DGKI: variants seen among roughly 807,000 people sequenced by gnomAD.
DGKI encodes DAG kinase iota.
In DGKI, 55 loss-of-function variants were observed where a neutral mutation model predicts 147.5. The observed-to-expected ratio is 0.37, with a 90% CI of 0.30 to 0.47. The LOEUF is 0.47. Among genes scored for constraint, DGKI ranks in the 20% least tolerant of loss-of-function variants. DGKI has a pLI of 1.00. For synonymous variants in DGKI, 469 were observed against 477.1 expected, an observed-to-expected ratio of 0.98 and a Z score of 0.22; for missense variants, 1,007 against 1,323.8, an observed-to-expected ratio of 0.76 and a Z score of 3.71.
intron 2 of DGKI, among the ~76,000 whole-genome samples, chr7:137,680,830 G>C (rs1295927910): frequency 6.6e-6 from 1 of 152,028 alleles, no homozygotes; most frequent in African/African-American, 2.4e-5. Context: ...ACATTTGCTG[G>C]GAAAAAATAC....
chr7:137,704,297 A>G (rs180967566), intron 1 of DGKI, among the ~76,000 whole-genome samples: 2 of 152,330 alleles, frequency 1.3e-5, no homozygotes, highest in East Asian at 1.9e-4. Context: ...CAAATAGAGA[A>G]TATCAATAAA....
intron 1 of DGKI, among the ~76,000 whole-genome samples, chr7:137,818,338 T>G (rs1797798348): frequency 6.6e-6 from 1 of 152,180 alleles, no homozygotes; most frequent in East Asian, 1.9e-4. Context: ...CTCAGATGGC[T>G]CAAGTGGACC....
intron 3 of DGKI, among the ~76,000 whole-genome samples, chr7:137,656,911 T>C (rs192218894): frequency 5.3e-4 from 81 of 152,350 alleles, no homozygotes; most frequent in Non-Finnish European, 7.2e-4. Context: ...TAAAATATTT[T>C]CTACATTATC....
intron 21 of DGKI, among the ~76,000 whole-genome samples, chr7:137,500,090 C>A (rs1816117969): frequency 6.6e-6 from 1 of 152,082 alleles, no homozygotes; most frequent in Non-Finnish European, 1.5e-5. Context: ...AACGAGGAAG[C>A]TTTGACAAAT....
At chr7:137,553,016 C>T (rs191517938) in intron 19 of DGKI, among the ~76,000 whole-genome samples, 12 of 152,282 alleles carry the variant, frequency 7.9e-5, no homozygotes, top group Non-Finnish European at 1.6e-4. Flanking sequence ...TAACCACCAC[C>T]ATAGTAGGAA....
chr7:137,492,223 G>A (rs1215597185), intron 21 of DGKI, among the ~76,000 whole-genome samples: 4 of 152,150 alleles, frequency 2.6e-5, no homozygotes, highest in Non-Finnish European at 4.4e-5. Context: ...AGGCAAAAGT[G>A]ATCAGAAAAT....
intron 3 of DGKI, among the ~76,000 whole-genome samples, chr7:137,677,569 C>T (rs1334467177): frequency 2.6e-5 from 4 of 152,168 alleles, no homozygotes; most frequent in Admixed American, 2.6e-4. Context: ...TTTAGGCAGC[C>T]TGGTTAAAAT....
At chr7:137,820,351 C>T (rs778754358) in intron 1 of DGKI, among the ~76,000 whole-genome samples, 34 of 152,216 alleles carry the variant, frequency 2.2e-4, no homozygotes, top group Non-Finnish European at 4.7e-4. Context: ...CCACTGCCCT[C>T]CATTTTCTCT....
intron 30 of DGKI, among the ~76,000 whole-genome samples, chr7:137,401,391 C>G (rs991017924): frequency 6.6e-6 from 1 of 151,464 alleles, no homozygotes; most frequent in Non-Finnish European, 1.5e-5. Flanking sequence ...ATTAGCTGGG[C>G]GTGGTGGTAC....
intron 12 of DGKI, among the ~76,000 whole-genome samples, chr7:137,592,205 C>T (rs972570622): frequency 2.0e-5 from 3 of 152,114 alleles, no homozygotes; most frequent in Admixed American, 1.3e-4. Context: ...CCACGGCTTT[C>T]GTATTTTCCC....
chr7:137,569,998 C>T (rs1242871213), intron 19 of DGKI, among the ~76,000 whole-genome samples: 1 of 151,958 alleles, frequency 6.6e-6, no homozygotes, highest in East Asian at 1.9e-4. Context: ...AGATTCTTGC[C>T]ATAAGCACAA....
At chr7:137,678,172 G>A (rs1823101435) in intron 3 of DGKI, among the ~76,000 whole-genome samples, 1 of 151,896 alleles carries the variant, frequency 6.6e-6, no homozygotes, top group Admixed American at 6.6e-5. Flanking sequence ...CCCCACTGTG[G>A]CCACTTCCCT....
intron 3 of DGKI, among the ~76,000 whole-genome samples, chr7:137,658,824 T>C (rs915792573): frequency 6.6e-6 from 1 of 152,214 alleles, no homozygotes; most frequent in African/African-American, 2.4e-5. Context: ...CATTAAGATA[T>C]GCTATCTCTC....
intron 21 of DGKI, among the ~76,000 whole-genome samples, chr7:137,507,909 G>A (rs779622667): frequency 1.3e-5 from 2 of 152,166 alleles, no homozygotes; most frequent in African/African-American, 4.8e-5. Flanking sequence ...AAATAAGGTG[G>A]TTTGACAAAA....
chr7:137,429,443 A>C (rs916915577), intron 28 of DGKI, among the ~76,000 whole-genome samples: 6 of 151,540 alleles, frequency 4.0e-5, no homozygotes, highest in Non-Finnish European at 7.4e-5. Context: ...CTAAAACCAT[A>C]AAAACCCTAG....
intron 20 of DGKI, among the ~76,000 whole-genome samples, chr7:137,523,061 G>A (rs901067355): frequency 4.1e-4 from 62 of 150,966 alleles, no homozygotes; most frequent in African/African-American, 1.1e-3. Flanking sequence ...CAGAAATAAA[G>A]AAAAAAAGAA....
At chr7:137,839,891 T>A (rs1798495702) in intron 1 of DGKI, among the ~76,000 whole-genome samples, 1 of 152,190 alleles carries the variant, frequency 6.6e-6, no homozygotes. Context: ...CAGAAGCCCC[T>A]GTTAGAAAGC....
At chr7:137,649,475 A>G (rs1188200183) in intron 5 of DGKI, among the ~76,000 whole-genome samples, 1 of 152,190 alleles carries the variant, frequency 6.6e-6, no homozygotes, top group African/African-American at 2.4e-5. Flanking sequence ...TTATTCATAA[A>G]CAACTTCAAG....
intron 28 of DGKI, among the ~76,000 whole-genome samples, chr7:137,431,930 G>T (rs980492014): frequency 6.6e-6 from 1 of 152,228 alleles, no homozygotes. Flanking sequence ...ATGTTGAATT[G>T]TAATCCCCAG....
Sources: allele counts gnomAD v4.1 joint callset (sites outside exome capture counted in the v4.1 genomes callset), GRCh38; gene constraint gnomAD v4.1.1; transcripts MANE v1.5; gene names NCBI Gene and HGNC (gene_info 2026-07-23, HGNC 2026-07-21).